The following RGS6 variants were observed in gnomAD, a reference collection of about 807,000 sequenced individuals.
RGS6 encodes regulator of G-protein signaling 6.
Under a neutral mutation model 78.5 loss-of-function variants are expected in RGS6, and 30 were observed. The ratio of observed to expected loss-of-function variants is 0.38; its 90% CI spans 0.29 to 0.52. RGS6 has a LOEUF of 0.52. Ranked by LOEUF, RGS6 falls within the 20% of genes least tolerant of loss-of-function variation. The pLI, the probability that RGS6 is intolerant of heterozygous loss-of-function variation, is 0.85. For synonymous variants in RGS6, 206 were observed against 206.0 expected, an observed-to-expected ratio of 1.00 and a Z score of 0.00; for missense variants, 495 against 609.7, an observed-to-expected ratio of 0.81 and a Z score of 1.98.
chr14:72,403,934 T>A (rs1596960784), intron 3 of RGS6, among the ~76,000 whole-genome samples: 1 of 152,210 alleles, frequency 6.6e-6, no homozygotes, highest in Non-Finnish European at 1.5e-5. Context: ...ATAAAGTTAC[T>A]GAAATTAAAA....
chr14:72,577,796 A>G, the RGS6 span, among the ~76,000 whole-genome samples: 285 of 152,322 alleles, frequency 1.9e-3, 2 homozygotes, highest in African/African-American at 6.0e-3. Context: ...CACATCTGAG[A>G]GACACAGGAG....
chr14:72,397,980 G>A (rs147460680), intron 3 of RGS6, among the ~76,000 whole-genome samples: 1,875 of 152,070 alleles, frequency 0.012, 19 homozygotes, highest in Non-Finnish European at 0.017. Flanking sequence ...TTTTTGCATC[G>A]GTGTTCATCA....
chr14:71,988,696 GA>G (rs1293992423), intron 2 of RGS6, among the ~76,000 whole-genome samples: 1 of 152,096 alleles, frequency 6.6e-6, no homozygotes, highest in Non-Finnish European at 1.5e-5. Context: ...ATTTGAAAGA[GA>G]CTGAAAAAGC....
Position 72,276,194 on chromosome 14 carries a change from A to T in RGS6, c.85-75901A>T, listed in dbSNP as rs527924475. On this transcript the variant is annotated intron_variant, in intron 2 of 17. Transcript: ENST00000553525. Reference sequence around the variant, plus strand: ...AAAGTTGACACATTATGAATGCTTTAAAAAAAAAATTATACCTTACTCCCA... The same window carrying T: ...AAAGTTGACACATTATGAATGCTTTTAAAAAAAAATTATACCTTACTCCCA... 1.1e-3 allele frequency among the ~76,000 whole-genome samples: 174 copies of T among 151,472 alleles called. 1 individual carries two copies. The South Asian group carries it at 0.017, about 15-fold the overall frequency.
intron 2 of RGS6, among the ~76,000 whole-genome samples, chr14:72,347,018 G>T (rs1217672540): frequency 2.6e-5 from 4 of 152,196 alleles, no homozygotes; most frequent in African/African-American, 7.2e-5. Context: ...CATTCTCGTG[G>T]CTGTGGCCCA....
At chr14:72,426,258 C>T (rs1326281995) in intron 3 of RGS6, among the ~76,000 whole-genome samples, 4 of 152,052 alleles carry the variant, frequency 2.6e-5, no homozygotes, top group African/African-American at 9.7e-5. Context: ...CTTCCATGAC[C>T]GCACTGAGAC....
chr14:72,465,597 GA>G (rs1566914043), intron 6 of RGS6, among the ~76,000 whole-genome samples, 160 bp from the exon 7 acceptor site: 81 of 149,134 alleles, frequency 5.4e-4, no homozygotes, highest in African/African-American at 1.9e-3. Flanking sequence ...TGGATGGATG[GA>G]TGGTTGGGTG....
intron 2 of RGS6, among the ~76,000 whole-genome samples, chr14:72,273,555 C>G (rs2060252593): frequency 1.3e-5 from 2 of 152,046 alleles, no homozygotes; most frequent in Non-Finnish European, 2.9e-5. Context: ...GTGCAAGGGC[C>G]CTATTAAGAT....
intron 2 of RGS6, among the ~76,000 whole-genome samples, chr14:72,347,721 A>G (rs974480207): frequency 1.3e-5 from 2 of 152,206 alleles, no homozygotes; most frequent in East Asian, 1.9e-4. Flanking sequence ...TGCCTGCAAA[A>G]TGTTTTGAAT....
the RGS6 span, among the ~76,000 whole-genome samples, chr14:71,878,380 G>T: frequency 1.3e-5 from 2 of 152,174 alleles, no homozygotes; most frequent in Non-Finnish European, 2.9e-5. Flanking sequence ...CTCAGCAATG[G>T]CAGGCACCCC....
the RGS6 span, among the ~76,000 whole-genome samples, chr14:71,899,576 A>T: frequency 6.6e-6 from 1 of 152,206 alleles, no homozygotes; most frequent in Non-Finnish European, 1.5e-5. Flanking sequence ...GCCTTGCTGA[A>T]GTGATTGGTT....
intron 2 of RGS6, among the ~76,000 whole-genome samples, chr14:72,261,276 C>T (rs1174914888): frequency 6.6e-6 from 1 of 152,138 alleles, no homozygotes; most frequent in Non-Finnish European, 1.5e-5. Flanking sequence ...GATGTCACTT[C>T]CCTGTGTTAA....
chr14:72,000,961 A>C (rs991307666), intron 2 of RGS6, among the ~76,000 whole-genome samples: 3 of 152,218 alleles, frequency 2.0e-5, no homozygotes, highest in Non-Finnish European at 4.4e-5. Context: ...TGGTCTGAGA[A>C]TATATCCTGA....
intron 17 of RGS6, among the ~76,000 whole-genome samples, chr14:72,556,587 C>CCT (rs1165924983): frequency 6.6e-6 from 1 of 151,008 alleles, no homozygotes; most frequent in Non-Finnish European, 1.5e-5. Context: ...CTGCTGGGTA[C>CCT]CTCCTCCATC....
the RGS6 span, among the ~76,000 whole-genome samples, chr14:72,614,966 A>T: frequency 2.6e-3 from 391 of 147,604 alleles, 1 homozygote; most frequent in South Asian, 0.023. Flanking sequence ...CAGGAATGGA[A>T]GCCTGCTAAA....
At position 72,562,894 on chromosome 14, in the gene RGS6, C is replaced by T; in HGVS notation, c.*427C>T. ...AAGAGGCATGAGTGGACCGAGAGCA[C>T]ATCCAGCATTTGCATCACCTCCCTG... On this transcript the variant is annotated 3_prime_UTR_variant, in exon 18 of 18. Transcript: ENST00000553525. 3 of 767,844 alleles carry T rather than the reference C, an allele frequency of 3.9e-6. No individual in the cohort carries two copies. Among genetic ancestry groups the T allele is most frequent in the Non-Finnish European group, 4.4e-6 (2 of 456,008 alleles). 47.6% of individuals were successfully genotyped at this position (767,844 alleles called of 1,614,324 possible). A position where few individuals can be genotyped will look rare whatever the true frequency, so the allele number is the denominator to read the frequency against.
chr14:72,321,543 T>C (rs1057504297), intron 2 of RGS6, among the ~76,000 whole-genome samples: 4 of 151,898 alleles, frequency 2.6e-5, no homozygotes, highest in African/African-American at 2.4e-5. Context: ...AAAAGGAAAG[T>C]AGAGGCCAAT....
At chr14:72,551,400 G>T (rs1430084485) in intron 17 of RGS6, among the ~76,000 whole-genome samples, 1 of 152,156 alleles carries the variant, frequency 6.6e-6, no homozygotes, top group Non-Finnish European at 1.5e-5. Flanking sequence ...CTTTTACCCT[G>T]CAGGTAGCCA....
intron 2 of RGS6, among the ~76,000 whole-genome samples, chr14:72,182,976 C>T (rs1307549640): frequency 2.0e-5 from 3 of 152,178 alleles, no homozygotes; most frequent in Non-Finnish European, 2.9e-5. Flanking sequence ...CCATGACCCA[C>T]CCCGGGCTAG....
Sources: allele counts gnomAD v4.1 joint callset (sites outside exome capture counted in the v4.1 genomes callset), GRCh38; gene constraint gnomAD v4.1.1; transcripts MANE v1.5; gene names NCBI Gene and HGNC (gene_info 2026-07-23, HGNC 2026-07-21).